Variants in MORC2 observed in about 807,000 individuals in gnomAD.
MORC2 encodes MORC family CW-type zinc finger 2.
In MORC2, 30 loss-of-function variants were observed where a neutral mutation model predicts 136.0. That is an observed-to-expected ratio of 0.22 (90% CI 0.17 to 0.30). MORC2 has a LOEUF of 0.30. Ranked by LOEUF, MORC2 falls within the 10% of genes least tolerant of loss-of-function variation. The pLI is 1.00. For missense variants in MORC2, 922 were observed against 1,333.1 expected (o/e 0.69, Z 4.80); for synonymous variants, 439 against 487.0 (o/e 0.90, Z 1.30).
Position 30,941,309 on chromosome 22 carries a change from A to G in MORC2, c.824+124T>C. On this transcript the variant is annotated intron_variant, in intron 9 of 25. Transcript: ENST00000397641. This position sits in a 1 kb window ranked among gnomAD's most constrained non-coding sequence, Gnocchi z 4.6. Reference sequence around the variant, plus strand: ...CTGTGACCAATCACAGGCAACTTAAAGTCCCAAACGTAGTCAGCACTGCCA... The same window carrying G: ...CTGTGACCAATCACAGGCAACTTAAGGTCCCAAACGTAGTCAGCACTGCCA... The G allele has an allele frequency of 2.9e-6, 4 of 1,373,082 alleles. No homozygotes were observed. The highest frequency in any genetic ancestry group is 3.9e-6 in the Non-Finnish European group (4 of 1,028,678). 85.1% of individuals were successfully genotyped at this position (1,373,082 alleles called of 1,614,324 possible).
chr22:30,933,345 C>T, intron 21 of MORC2, 121 bp downstream of exon 21: 1 of 1,117,950 alleles, frequency 8.9e-7, no homozygotes, highest in Admixed American at 2.3e-5. Context: ...CACTGCTGCA[C>T]AAGAGCCCAG....
intron 6 of MORC2, among the ~76,000 whole-genome samples, chr22:30,945,932 C>A (rs1479997734): frequency 6.6e-6 from 1 of 152,160 alleles, no homozygotes; most frequent in Non-Finnish European, 1.5e-5. Flanking sequence ...GAGCTCATAG[C>A]ACATTCCACA....
chr22:30,940,933 A>C, intron 9 of MORC2, 96 bp from the exon 10 acceptor site: 4 of 1,024,604 alleles, frequency 3.9e-6, no homozygotes, highest in Non-Finnish European at 6.2e-6. Flanking sequence ...GCCTCCTCCC[A>C]AGCTGTGCTG....
chr22:30,958,951 G>A (rs1220873561), intron 1 of MORC2: 1 of 404,698 alleles, frequency 2.5e-6, no homozygotes, highest in African/African-American at 2.1e-5. Flanking sequence ...AGCATTGAAA[G>A]AGTCCTATGT....
At chr22:30,956,926 A>G in intron 2 of MORC2, 129 bp from the exon 3 acceptor site, 1 of 689,082 alleles carries the variant, frequency 1.5e-6, no homozygotes, top group East Asian at 3.1e-5. Flanking sequence ...AATTCTATAG[A>G]CATTTAGAAT....
chr22:30,936,426 G>T, intron 17 of MORC2, 85 bp downstream of exon 17: 2 of 1,552,472 alleles, frequency 1.3e-6, no homozygotes, highest in Admixed American at 1.9e-5. Context: ...CTGAGCCTGA[G>T]GGAACAGGAA....
chr22:30,941,615 A>G lies in MORC2; in HGVS notation c.699-57T>C. 6.3e-7 allele frequency: 1 copy of G among 1,584,074 alleles called. No homozygotes were observed. The highest frequency in any genetic ancestry group is 1.1e-5 in the South Asian group (1 of 88,374). ...ACCTGCTCCACAACAGGCCTGACCA[A>G]GGGCACAACATCCTCTCTGCAGGCT... On this transcript the variant is annotated intron_variant, in intron 8 of 25. Transcript: ENST00000397641. The surrounding 1 kb of genome is among the most constrained non-coding windows in gnomAD (Gnocchi z 4.6).
At chr22:30,967,677 G>C (rs1278022216) in intron 1 of MORC2, 145 bp downstream of exon 1, 1 of 1,459,782 alleles carries the variant, frequency 6.9e-7, no homozygotes, top group African/African-American at 1.4e-5. Flanking sequence ...CTTCAATACA[G>C]AGCTCAAGAT....
chr22:30,956,103 G>T (rs951953248), intron 3 of MORC2, among the ~76,000 whole-genome samples: 1 of 151,602 alleles, frequency 6.6e-6, no homozygotes, highest in Admixed American at 6.6e-5. Context: ...ATACCAGGCA[G>T]AAAGCAAACT....
intron 12 of MORC2, among the ~76,000 whole-genome samples, chr22:30,939,325 T>A (rs2040705421): frequency 1.3e-5 from 2 of 152,150 alleles, no homozygotes; most frequent in African/African-American, 4.8e-5. Flanking sequence ...TCAAGTTTCA[T>A]ACAATGAGCA....
chr22:30,956,777 A>G lies in MORC2; in HGVS notation c.143T>C (p.Ile48Thr). 1 of 1,546,376 alleles carries G rather than the reference A, an allele frequency of 6.5e-7. No individual in the cohort carries two copies. The highest frequency in any genetic ancestry group is 8.7e-7 in the Non-Finnish European group (1 of 1,143,472). The change falls in exon 3 of 26, where the codon ATA becomes ACA. Residue 48 changes from isoleucine to threonine, a missense_variant. Around this residue, in one of 9 missense-constraint regions of MORC2, gnomAD observed 57 missense variants for 71.8 expected, o/e 0.79. Coordinates refer to ENST00000397641, the MANE Select transcript of MORC2 (RefSeq NM_001303256.3). ...DNARDADATR[I>T]DIYAERREDL... ...GCCTGACTTACCTGCATAAATATCT[A>G]TTCTGGTGGCATCAGCATCTCTGCA...
rs959580850 is a variant in MORC2, at chr22:30,934,942, C to T, written c.2032G>A (p.Ala678Thr). The T allele has an allele frequency of 1.9e-6, 3 of 1,614,010 alleles. No individual in the cohort carries two copies. The highest frequency in any genetic ancestry group is 2.5e-6 in the Non-Finnish European group (3 of 1,180,028). The change falls in exon 19 of 26, where the codon GCC becomes ACC. Residue 678 changes from alanine (A) to threonine (T), a missense_variant. Transcript: ENST00000397641. The surrounding 1 kb of genome is among the most constrained non-coding windows in gnomAD (Gnocchi z 4.4). ...LQPPEAPRKP[A>T]NTLVKTASRP... ...GATGCAGTCTTGACGAGAGTGTTGG[C>T]AGGCTTTCGGGGTGCCTCAGGTGGC...
Position 30,932,536 on chromosome 22 carries a change from C to T in MORC2, c.2747+9G>A. 1 of 1,613,864 alleles carries T rather than the reference C, an allele frequency of 6.2e-7. No individual in the cohort carries two copies. Among genetic ancestry groups the T allele is most frequent in the South Asian group, 1.1e-5 (1 of 91,074 alleles). ...GGCCCTGGGGTGGGAAGACAAAAGACACATGTACCGGAGGATCTGGACAAG... is the reference window on the plus strand; with the variant it reads ...GGCCCTGGGGTGGGAAGACAAAAGATACATGTACCGGAGGATCTGGACAAG... On this transcript the variant is annotated intron_variant, in intron 23 of 25. Coordinates refer to ENST00000397641, the MANE Select transcript of MORC2 (RefSeq NM_001303256.3). This position sits in a 1 kb window ranked among gnomAD's most constrained non-coding sequence, Gnocchi z 4.4.
chr22:30,949,941 T>C (rs2040864909), intron 4 of MORC2, 99 bp from the exon 5 acceptor site: 3 of 1,060,264 alleles, frequency 2.8e-6, no homozygotes, highest in Non-Finnish European at 4.2e-6. Flanking sequence ...AGCAGGGGTG[T>C]GTATCTGCTG....
rs763542037 is a variant in MORC2 at position 30,935,018 on chromosome 22, C to G, written c.1956G>C (p.Lys652Asn). 7 of 1,613,886 alleles carry G rather than the reference C, an allele frequency of 4.3e-6. No individual in the cohort carries two copies. The highest frequency in any genetic ancestry group is 1.3e-5 in the African/African-American group (1 of 74,872). ...RKAPVISSTPKLPALAAREEA... is the reference protein window; with the variant it reads ...RKAPVISSTPNLPALAAREEA... ...CCTCCCGGGCTGCCAAAGCAGGGAG[C>G]TTTGGGGTACTGCTGATGACAGGAG... Residue 652 changes from lysine to asparagine, a missense_variant, in exon 19 of 26, where the codon AAG becomes AAC. Physicochemically the swap from Lys to Asn is moderately conservative, Grantham distance 94. This residue lies in a region of MORC2 where 184 missense variants were observed against 180.3 expected (regional missense o/e 1.02). Coordinates refer to ENST00000397641, the MANE Select transcript of MORC2 (RefSeq NM_001303256.3).
At position 30,937,468 on chromosome 22, in the gene MORC2, T is replaced by C. The variant is rs2040670835; in HGVS notation, c.1498+115A>G. ...CCATCGTCAAACAGACTTGGATCCCTAGGGGACTGTAAGTCCATGAATGTC... is the reference window on the plus strand; with the variant it reads ...CCATCGTCAAACAGACTTGGATCCCCAGGGGACTGTAAGTCCATGAATGTC... On this transcript the variant is annotated intron_variant, in intron 15 of 25. Transcript: ENST00000397641. The surrounding 1 kb of genome is among the most constrained non-coding windows in gnomAD (Gnocchi z 4.7). 2.0e-6 allele frequency: 3 copies of C among 1,474,024 alleles called. No individual in the cohort carries two copies. Among genetic ancestry groups the C allele is most frequent in the Non-Finnish European group, 2.7e-6 (3 of 1,093,912 alleles). The allele number at this position is 1,474,024 out of a possible 1,614,324, so 91.3% of individuals were successfully genotyped here.
Position 30,937,016 on chromosome 22 carries a change from G to A in MORC2, c.1520C>T (p.Thr507Ile). ...IQCDLCLKWR[T>I]LPFQLSSVEK... Reference sequence around the variant, plus strand: ...CACAGAACTCAGCTGGAAGGGGAGGGTTCTCCATTTCAGACACAAATCTGC... The same window carrying A: ...CACAGAACTCAGCTGGAAGGGGAGGATTCTCCATTTCAGACACAAATCTGC... The change falls in exon 16 of 26, where the codon ACC becomes ATC. Residue 507 changes from threonine to isoleucine, a missense_variant. Coordinates refer to ENST00000397641, the MANE Select transcript of MORC2 (RefSeq NM_001303256.3). This position sits in a 1 kb window ranked among gnomAD's most constrained non-coding sequence, Gnocchi z 4.7. 1.9e-6 allele frequency: 3 copies of A among 1,613,900 alleles called. No homozygotes were observed. The highest frequency in any genetic ancestry group is 2.5e-6 in the Non-Finnish European group (3 of 1,179,908).
chr22:30,932,264 C>G lies in MORC2; in HGVS notation c.2841+95G>C, dbSNP rs2040586552. On this transcript the variant is annotated intron_variant, in intron 24 of 25. Transcript: ENST00000397641. The surrounding 1 kb of genome is among the most constrained non-coding windows in gnomAD (Gnocchi z 4.4). ...CACAGCTGAGAGCTAGCAACTGCAACAAGCGTAACAATCATAATCACAACA... is the reference window on the plus strand; with the variant it reads ...CACAGCTGAGAGCTAGCAACTGCAAGAAGCGTAACAATCATAATCACAACA... The G allele has an allele frequency of 6.5e-6, 7 of 1,082,088 alleles. No homozygotes were observed. Among genetic ancestry groups the G allele is most frequent in the Admixed American group, 2.1e-5 (1 of 47,430 alleles). The allele number at this position is 1,082,088 out of a possible 1,614,324, so 67.0% of individuals were successfully genotyped here.
At chr22:30,939,784 C>T (rs1444914632) in intron 11 of MORC2, 78 bp from the exon 12 acceptor site, 3 of 1,444,530 alleles carry the variant, frequency 2.1e-6, no homozygotes, top group Non-Finnish European at 2.9e-6. Context: ...ACATCTAAGA[C>T]ATCTCAATTT....
Sources: allele counts gnomAD v4.1 joint callset (sites outside exome capture counted in the v4.1 genomes callset), GRCh38; gene constraint gnomAD v4.1.1; regional missense constraint gnomAD v4.1.1; non-coding constraint Gnocchi (gnomAD v3.1); transcripts MANE v1.5; gene names NCBI Gene and HGNC (gene_info 2026-07-23, HGNC 2026-07-21).